HMMR: variants seen among roughly 807,000 people sequenced by gnomAD.
The protein encoded by HMMR is hyaluronan mediated motility receptor.
In HMMR, 108 loss-of-function variants were observed where a neutral mutation model predicts 101.0. The observed-to-expected ratio is 1.07, with a 90% CI of 0.92 to 1.25. HMMR has a LOEUF of 1.25. Among genes scored for constraint, HMMR ranks in the 50% most tolerant of loss-of-function variants. The pLI, the probability that HMMR is intolerant of heterozygous loss-of-function variation, is 0.00. For missense variants in HMMR, 813 were observed against 788.7 expected (o/e 1.03, Z -0.37); for synonymous variants, 296 against 276.4 (o/e 1.07, Z -0.70).
intron 13 of HMMR, 48 bp downstream of exon 13, chr5:163,482,836 T>C (rs1199900478): frequency 6.5e-7 from 1 of 1,542,118 alleles, no homozygotes. Context: ...CAATTTAATG[T>C]TGAAAGCCAG....
At chr5:163,486,399 G>T (rs1180855542) in intron 16 of HMMR, among the ~76,000 whole-genome samples, 1 of 152,054 alleles carries the variant, frequency 6.6e-6, no homozygotes. Context: ...TTTTGTAAAT[G>T]AAATTGTTAA....
chr5:163,483,484 G>A (rs1376073455), intron 15 of HMMR, 117 bp downstream of exon 15: 1 of 585,322 alleles, frequency 1.7e-6, no homozygotes, highest in Non-Finnish European at 3.1e-6. Flanking sequence ...TGCACTTACA[G>A]TGCCAATTTA....
chr5:163,468,034 AAATATTTATATCTATCCATCGTTCAC>A (rs1758757800), intron 4 of HMMR, among the ~76,000 whole-genome samples: 1 of 152,270 alleles, frequency 6.6e-6, no homozygotes, highest in Non-Finnish European at 1.5e-5. Context: ...TATGTGGATC[AAATATTTATATCTATCCATCGTTCAC>A]AGTCTTCCTG....
intron 12 of HMMR, among the ~76,000 whole-genome samples, chr5:163,481,499 C>A (rs1360439595): frequency 6.6e-6 from 1 of 152,114 alleles, no homozygotes; most frequent in African/African-American, 2.4e-5. Flanking sequence ...TATCCAGTTA[C>A]CCACTTGACA....
intron 12 of HMMR, among the ~76,000 whole-genome samples, chr5:163,479,696 G>C (rs1759193248): frequency 6.6e-6 from 1 of 152,060 alleles, no homozygotes; most frequent in South Asian, 2.1e-4. Context: ...TACATAAGTT[G>C]TTTTAAATAC....
chr5:163,474,010 A>G (rs980086073), intron 9 of HMMR, 47 bp from the exon 10 acceptor site: 9 of 1,508,858 alleles, frequency 6.0e-6, no homozygotes, highest in Non-Finnish European at 8.2e-6. Flanking sequence ...TCTCAGTCTT[A>G]ATGTTCTTAT....
At position 163,483,102 on chromosome 5, in the gene HMMR, A is replaced by T; in HGVS notation, c.1615A>T (p.Thr539Ser). 1 of 1,612,844 alleles carries T rather than the reference A, an allele frequency of 6.2e-7. No individual in the cohort carries two copies. The highest frequency in any genetic ancestry group is 8.5e-7 in the Non-Finnish European group (1 of 1,179,322). Residue 539 changes from threonine to serine, a missense_variant, in exon 14 of 18, where the codon ACT becomes TCT. Thr to Ser is a moderately conservative substitution (Grantham distance 58). Transcript: ENST00000393915. Reference sequence around the variant, plus strand: ...CACAGTTTCTTTTCTTCAAAAAATAACTGATTTGCAGAACCAACTCAAGCA... The same window carrying T: ...CACAGTTTCTTTTCTTCAAAAAATATCTGATTTGCAGAACCAACTCAAGCA... ...EITVSFLQKI[T>S]DLQNQLKQQE...
chr5:163,465,764 C>T (rs1049555657), intron 3 of HMMR, among the ~76,000 whole-genome samples: 1 of 151,698 alleles, frequency 6.6e-6, no homozygotes, highest in South Asian at 2.1e-4. Context: ...TTGAGACCAG[C>T]CTGGCCAACA....
chr5:163,487,380 C>G (rs1346784381), intron 16 of HMMR, among the ~76,000 whole-genome samples: 1 of 150,652 alleles, frequency 6.6e-6, no homozygotes. Context: ...GTTTTCTTTG[C>G]TTTGTTTTTG....
chr5:163,484,995 A>G (rs987737613), intron 16 of HMMR, among the ~76,000 whole-genome samples: 2 of 152,092 alleles, frequency 1.3e-5, no homozygotes, highest in African/African-American at 4.8e-5. Context: ...GGTATACCAC[A>G]TTTTATTTAT....
intron 16 of HMMR, among the ~76,000 whole-genome samples, chr5:163,487,515 G>A (rs1217549518): frequency 1.3e-5 from 2 of 152,020 alleles, no homozygotes; most frequent in Non-Finnish European, 2.9e-5. Flanking sequence ...TTCATTGAAT[G>A]TGTGGTAGAA....
rs1443881368 is a variant in HMMR, at chr5:163,490,485, T to G, written c.2058T>G (p.Phe686Leu). 6.2e-7 allele frequency: 1 copy of G among 1,604,956 alleles called. No homozygotes were observed. ...ELNKVLGIKH[F>L]DPSKAFHHES... Reference sequence around the variant, plus strand: ...ATAAAGTTCTAGGTATCAAACACTTTGATCCTTCAAAGGCTTTTCATCATG... The same window carrying G: ...ATAAAGTTCTAGGTATCAAACACTTGGATCCTTCAAAGGCTTTTCATCATG... Residue 686 changes from phenylalanine (F) to leucine (L), a missense_variant, in exon 17 of 18, where the codon TTT becomes TTG. Physicochemically the swap from Phe to Leu is conservative, Grantham distance 22. Transcript: ENST00000393915.
In HMMR at chr5:163,490,408, T is replaced by C. The variant is rs767707303; in HGVS notation, c.1981T>C (p.Cys661Arg). ...QLKSEVSKLR[C>R]QLAKKKQSET... ...TACCTAGGAAGTATCAAAACTCCGC[T>C]GTCAGCTTGCTAAAAAAAAACAAAG... The change falls in exon 17 of 18, where the codon TGT becomes CGT. Residue 661 changes from cysteine to arginine, a missense_variant. By Grantham distance (180) the Cys-to-Arg change is radical. Transcript: ENST00000393915. 6.3e-7 allele frequency: 1 copy of C among 1,583,156 alleles called. No homozygotes were observed. The highest frequency in any genetic ancestry group is 1.2e-5 in the South Asian group (1 of 86,008).
At chr5:163,480,324 A>C (rs1356627970) in intron 12 of HMMR, among the ~76,000 whole-genome samples, 1 of 152,150 alleles carries the variant, frequency 6.6e-6, no homozygotes, top group Non-Finnish European at 1.5e-5. Flanking sequence ...TCATCATAGT[A>C]TATGCCGTTT....
chr5:163,484,070 T>C lies in HMMR; in HGVS notation c.1787T>C (p.Leu596Pro). Residue 596 changes from leucine (L) to proline (P), a missense_variant and splice_region_variant, in exon 16 of 18, where the codon CTA (leucine) becomes CCA (proline). Transcript: ENST00000393915. ...CTTTATTTAAAAAATCTTTTTCAGC[T>C]ACAACTAGATGCTTTTGAAGTAGAA... ...ELYNKTKPFQ[L>P]QLDAFEVEKQ... 6.4e-7 allele frequency: 1 copy of C among 1,574,170 alleles called. No homozygotes were observed. The highest frequency in any genetic ancestry group is 8.6e-7 in the Non-Finnish European group (1 of 1,158,856).
chr5:163,472,895 CA>C (rs1175843767), intron 7 of HMMR, among the ~76,000 whole-genome samples: 3 of 151,990 alleles, frequency 2.0e-5, no homozygotes, highest in African/African-American at 7.2e-5. Flanking sequence ...AGGAAGACCA[CA>C]AAAAGAATAT....
intron 2 of HMMR, among the ~76,000 whole-genome samples, chr5:163,464,333 G>C (rs1758631011): frequency 6.6e-6 from 1 of 152,146 alleles, no homozygotes; most frequent in African/African-American, 2.4e-5. Context: ...TAGAAATTTG[G>C]GGCCGGGCAA....
Position 163,471,403 on chromosome 5 carries a change from A to G in HMMR, c.590A>G (p.Gln197Arg), listed in dbSNP as rs1333882477. 6.2e-7 allele frequency: 1 copy of G among 1,614,154 alleles called. No individual in the cohort carries two copies. The highest frequency in any genetic ancestry group is 1.7e-5 in the Admixed American group (1 of 60,026). ...CAAGAAGGCATGGAGATGAAGCTGC[A>G]GGTCACCCAAAGGAGTCTCGAAGAG... ...AKQEGMEMKL[Q>R]VTQRSLEESQ... Residue 197 changes from glutamine to arginine, a missense_variant, in exon 7 of 18, where the codon CAG (glutamine) becomes CGG (arginine). By Grantham distance (43) the Gln-to-Arg change is conservative. Coordinates refer to ENST00000393915, the MANE Select transcript of HMMR (RefSeq NM_001142556.2).
At chr5:163,467,351 A>G (rs2113462509) in intron 3 of HMMR, among the ~76,000 whole-genome samples, 1 of 152,274 alleles carries the variant, frequency 6.6e-6, no homozygotes, top group Non-Finnish European at 1.5e-5. Context: ...TTCTCTTTGT[A>G]AGATTCTTTC....
Sources: allele counts gnomAD v4.1 joint callset (sites outside exome capture counted in the v4.1 genomes callset), GRCh38; gene constraint gnomAD v4.1.1; transcripts MANE v1.5; gene names NCBI Gene and HGNC (gene_info 2026-07-23, HGNC 2026-07-21).